The following CLDN10 variants were observed in gnomAD, a reference collection of about 807,000 sequenced individuals.
The protein encoded by CLDN10 is claudin 10, also known as claudin-10.
Under a neutral mutation model 22.9 loss-of-function variants are expected in CLDN10, and 15 were observed. That is an observed-to-expected ratio of 0.65 (90% CI 0.44 to 1.01). The LOEUF is 1.01. Ranked by LOEUF, CLDN10 falls within the 50% of genes least tolerant of loss-of-function variation. The pLI, the probability that CLDN10 is intolerant of heterozygous loss-of-function variation, is 0.00. For missense variants in CLDN10, 247 were observed against 287.8 expected, an observed-to-expected ratio of 0.86 and a Z score of 1.03; for synonymous variants, 114 against 111.4, an observed-to-expected ratio of 1.02 and a Z score of -0.15.
chr13:95,549,145 C>G (rs1355547881), upstream of CLDN10, among the ~76,000 whole-genome samples: 1 of 152,168 alleles, frequency 6.6e-6, no homozygotes, highest in Non-Finnish European at 1.5e-5. Flanking sequence ...ATTTATAGAT[C>G]AGTTAGTAGT....
At chr13:95,537,729 T>C (rs1276653008) in intron 1 of CLDN10, among the ~76,000 whole-genome samples, 1 of 152,208 alleles carries the variant, frequency 6.6e-6, no homozygotes, top group African/African-American at 2.4e-5. Context: ...TGGCTTGAAT[T>C]CCAAATTCCA....
chr13:95,477,198 C>G (rs558596262), intron 1 of CLDN10, among the ~76,000 whole-genome samples: 3 of 152,258 alleles, frequency 2.0e-5, no homozygotes, highest in Admixed American at 2.0e-4. Flanking sequence ...GAGGGCTGGT[C>G]AAGAGGCAGA....
intron 3 of CLDN10, among the ~76,000 whole-genome samples, chr13:95,576,425 A>G (rs746687447): frequency 6.6e-6 from 1 of 152,188 alleles, no homozygotes; most frequent in Non-Finnish European, 1.5e-5. Context: ...AAAACCTAAA[A>G]TCAACCTATT....
intron 1 of CLDN10, among the ~76,000 whole-genome samples, chr13:95,482,083 G>A (rs1175544868): frequency 6.6e-6 from 1 of 152,080 alleles, no homozygotes; most frequent in Admixed American, 6.6e-5. Flanking sequence ...GAGTATAATT[G>A]GATTGTTTGT....
At chr13:95,511,946 C>T (rs1594576895) in intron 1 of CLDN10, among the ~76,000 whole-genome samples, 1 of 138,626 alleles carries the variant, frequency 7.2e-6, no homozygotes. Flanking sequence ...TGTGCTGCAC[C>T]CATTAACTCA....
intron 1 of CLDN10, among the ~76,000 whole-genome samples, chr13:95,519,146 A>G (rs893762782): frequency 3.9e-5 from 6 of 152,216 alleles, no homozygotes; most frequent in African/African-American, 1.4e-4. Context: ...ATACAAGTTC[A>G]TTAGAGCTTG....
intron 1 of CLDN10, among the ~76,000 whole-genome samples, chr13:95,454,753 T>C (rs1182843212): frequency 2.6e-5 from 4 of 152,158 alleles, no homozygotes; most frequent in Non-Finnish European, 4.4e-5. Flanking sequence ...AATCTGAGGA[T>C]ATACTGAGGG....
At chr13:95,475,786 A>ATCTC (rs142207612) in intron 1 of CLDN10, among the ~76,000 whole-genome samples, 3 of 121,732 alleles carry the variant, frequency 2.5e-5, no homozygotes, top group African/African-American at 8.2e-5. Flanking sequence ...GGGTCCCTGC[A>ATCTC]TCTCTCTCTC....
At chr13:95,515,999 C>T (rs1199117948) in intron 1 of CLDN10, among the ~76,000 whole-genome samples, 7 of 151,432 alleles carry the variant, frequency 4.6e-5, no homozygotes, top group Admixed American at 3.3e-4. Flanking sequence ...GATTGAACCC[C>T]AGAGGCGGAG....
chr13:95,513,801 G>A (rs2138567434), intron 1 of CLDN10, among the ~76,000 whole-genome samples: 1 of 152,274 alleles, frequency 6.6e-6, no homozygotes, highest in South Asian at 2.1e-4. Context: ...TGTGTCTATA[G>A]AGATAAACAC....
chr13:95,547,008 A>G (rs1434830564), intron 1 of CLDN10, among the ~76,000 whole-genome samples: 1 of 147,794 alleles, frequency 6.8e-6, no homozygotes, highest in African/African-American at 2.5e-5. Flanking sequence ...CTCCTAGCTC[A>G]TGCTCCCAAA....
At chr13:95,515,359 C>T (rs1053554131) in intron 1 of CLDN10, among the ~76,000 whole-genome samples, 8 of 152,226 alleles carry the variant, frequency 5.3e-5, no homozygotes, top group South Asian at 2.1e-4. Flanking sequence ...CCACCATGCC[C>T]GGCTAATTTT....
At chr13:95,554,091 C>T (rs1232657477) in intron 1 of CLDN10, among the ~76,000 whole-genome samples, 1 of 152,130 alleles carries the variant, frequency 6.6e-6, no homozygotes, top group African/African-American at 2.4e-5. Context: ...TGTTGCTCAA[C>T]GTGGTATTTG....
intron 1 of CLDN10, among the ~76,000 whole-genome samples, chr13:95,534,146 G>T (rs1248891837): frequency 6.6e-6 from 1 of 152,146 alleles, no homozygotes; most frequent in Non-Finnish European, 1.5e-5. Flanking sequence ...ATGAGAAAAA[G>T]AATTGTATTT....
At position 95,543,393 on chromosome 13, in the gene CLDN10, A is replaced by C. The variant is rs545970969; in HGVS notation, c.215-16739A>C. Among the ~76,000 whole-genome samples, 5 of 152,268 alleles carry C rather than the reference A, an allele frequency of 3.3e-5. No homozygotes were observed. In the East Asian group the frequency reaches 9.7e-4, roughly 29 times the overall value. ...CTTAGGGCTTAGCTTGATTTTCCCT[A>C]AGCCAGTGAAATACAAGAGTCTTGA... On this transcript the variant is annotated intron_variant, in intron 1 of 4. Transcript: ENST00000376873.
At chr13:95,516,691 G>C (rs971304) in intron 1 of CLDN10, among the ~76,000 whole-genome samples, 1 of 152,084 alleles carries the variant, frequency 6.6e-6, no homozygotes, top group Non-Finnish European at 1.5e-5. Flanking sequence ...GGACTTCTTC[G>C]GGGCAGCAGT....
chr13:95,482,018 C>CA (rs2042753120), intron 1 of CLDN10, among the ~76,000 whole-genome samples: 1 of 151,854 alleles, frequency 6.6e-6, no homozygotes, highest in Non-Finnish European at 1.5e-5. Context: ...GACTCTGACT[C>CA]AAAAAAGTAA....
At chr13:95,491,977 T>G (rs982094172) in intron 1 of CLDN10, among the ~76,000 whole-genome samples, 1 of 152,200 alleles carries the variant, frequency 6.6e-6, no homozygotes, top group African/African-American at 2.4e-5. Context: ...AGCTCCAGGC[T>G]GGTACTGGAG....
Position 95,578,015 on chromosome 13 carries a change from AAG to A in CLDN10, c.*4_*5del, listed in dbSNP as rs763797564. 5.5e-5 allele frequency: 87 copies of A among 1,579,640 alleles called. 1 individual carries two copies. The South Asian group carries it at 8.8e-4, about 16-fold the overall frequency. On this transcript the variant is annotated 3_prime_UTR_variant, in exon 5 of 5. Transcript: ENST00000299339. ...GTTTGATAAAAATGCTTATGTCTAA[AAG>A]AGCTCGCTGGCAAGCTGCCTCTTGA...
Sources: allele counts gnomAD v4.1 joint callset (sites outside exome capture counted in the v4.1 genomes callset), GRCh38; gene constraint gnomAD v4.1.1; transcripts MANE v1.5; gene names NCBI Gene and HGNC (gene_info 2026-07-23, HGNC 2026-07-21).